Variants in KRT8 observed in about 807,000 individuals in gnomAD.
KRT8 encodes the protein keratin 8.
Under a neutral mutation model 43.0 loss-of-function variants are expected in KRT8, and 24 were observed. The ratio of observed to expected loss-of-function variants is 0.56; its 90% CI spans 0.40 to 0.78. The LOEUF (loss-of-function observed/expected upper bound fraction) is 0.78. Among genes scored for constraint, KRT8 ranks in the 30% least tolerant of loss-of-function variants. The probability of loss-of-function intolerance (pLI) is 0.00; values close to 1 mark genes in which losing one functional copy is unlikely to be tolerated. For missense variants in KRT8, 492 were observed against 638.4 expected (o/e 0.77, Z 2.47); for synonymous variants, 214 against 261.2 (o/e 0.82, Z 1.74).
intron 2 of KRT8, among the ~76,000 whole-genome samples, chr12:52,933,984 C>T (rs147055809): frequency 0.085 from 12,906 of 151,382 alleles, 697 homozygotes; most frequent in East Asian, 0.24. Flanking sequence ...AATCCCAGCA[C>T]TTTGGGAGGC....
At chr12:52,918,237 A>AGAAGAAGAAGAAGAAGAAGAG (rs1941813989) in intron 2 of KRT8, among the ~76,000 whole-genome samples, 1 of 151,570 alleles carries the variant, frequency 6.6e-6, no homozygotes, top group Non-Finnish European at 1.5e-5. Context: ...AAGAAGAAGA[A>AGAAGAAGAAGAAGAAGAAGAG]GAAGAAGAAG....
At chr12:52,917,942 A>G (rs9795940) in intron 2 of KRT8, among the ~76,000 whole-genome samples, 3 of 148,840 alleles carry the variant, frequency 2.0e-5, no homozygotes, top group South Asian at 4.3e-4. Flanking sequence ...GAGAAGAGGA[A>G]GAAGAGGAAG....
At chr12:52,914,794 C>G (rs1340829945) in intron 2 of KRT8, among the ~76,000 whole-genome samples, 3 of 152,362 alleles carry the variant, frequency 2.0e-5, no homozygotes, top group East Asian at 3.9e-4. Context: ...GACCAAGACT[C>G]TCTTCCTGTC....
At chr12:52,949,100 G>GTCGCGCGGC in intron 2 of KRT8, 1 of 1,430,404 alleles carries the variant, frequency 7.0e-7, no homozygotes, top group Non-Finnish European at 9.8e-7. Context: ...TATAACTCGG[G>GTCGCGCGGC]TCGCGCGGCT....
chr12:52,897,903 C>T (rs1941254440), intron 7 of KRT8, among the ~76,000 whole-genome samples: 2 of 152,188 alleles, frequency 1.3e-5, no homozygotes, highest in Non-Finnish European at 2.9e-5. Flanking sequence ...AAATAAATTA[C>T]AGCCAGGCCC....
In KRT8 at chr12:52,904,516, T is replaced by A. The variant is rs560781292; in HGVS notation, c.324+142A>T. 3.5e-4 allele frequency: 279 copies of A among 802,864 alleles called. 1 individual carries two copies. Among genetic ancestry groups the A allele is most frequent in the Non-Finnish European group, 5.2e-4 (249 of 475,208 alleles). 49.7% of individuals were successfully genotyped at this position (802,864 alleles called of 1,614,324 possible). A position where few individuals can be genotyped will look rare whatever the true frequency, so the allele number is the denominator to read the frequency against. Reference sequence around the variant, plus strand: ...AACCAAGGTGCACGGGAGGGGTGAGTCGGAGGATGGAAGGGAGAGTGTCGC... The same window carrying A: ...AACCAAGGTGCACGGGAGGGGTGAGACGGAGGATGGAAGGGAGAGTGTCGC... On this transcript the variant is annotated intron_variant, in intron 1 of 7. Transcript: ENST00000692008.
upstream of KRT8, chr12:52,905,113 G>A (rs879034751): frequency 8.5e-5 from 123 of 1,447,612 alleles, no homozygotes; most frequent in Non-Finnish European, 1.0e-4. Flanking sequence ...CCGGGGGATG[G>A]GGGGGAAAGG....
chr12:52,907,060 C>T (rs1181928349), upstream of KRT8: 7 of 242,728 alleles, frequency 2.9e-5, no homozygotes, highest in Admixed American at 1.0e-4. Context: ...ATCCCAAGAG[C>T]GGGCACAGTG....
intron 2 of KRT8, among the ~76,000 whole-genome samples, chr12:52,927,797 A>G (rs147221879): frequency 0.024 from 3,618 of 152,292 alleles, 74 homozygotes; most frequent in Admixed American, 0.051. Context: ...GGGAGTGCTC[A>G]GCCAGGCGCG....
exon 8 of KRT8, chr12:52,897,592 G>A (rs751726406): frequency 6.3e-7 from 1 of 1,598,138 alleles, no homozygotes; most frequent in African/African-American, 1.3e-5. Context: ...GGGCTTGTGA[G>A]GCCCCCATAG....
chr12:52,919,498 C>T (rs1012248988), intron 2 of KRT8, among the ~76,000 whole-genome samples: 13 of 151,946 alleles, frequency 8.6e-5, no homozygotes, highest in African/African-American at 3.1e-4. Flanking sequence ...AAACTGCTGG[C>T]CCCAAGTGAT....
intron 7 of KRT8, among the ~76,000 whole-genome samples, chr12:52,897,873 G>A (rs753455047): frequency 5.3e-5 from 8 of 152,164 alleles, no homozygotes; most frequent in African/African-American, 1.4e-4. Context: ...AACTGAAGAC[G>A]TTTACAGGTG....
chr12:52,904,628 C>T, intron 1 of KRT8, 30 bp downstream of exon 1: 1 of 1,596,262 alleles, frequency 6.3e-7, no homozygotes, highest in Non-Finnish European at 8.6e-7. Flanking sequence ...GGGCTGCGGG[C>T]ACAGTCAGCC....
chr12:52,926,173 C>A lies in KRT8; in HGVS notation c.-46-21146G>T, dbSNP rs557045991. Among the ~76,000 whole-genome samples the A allele has an allele frequency of 2.1e-4, 31 of 146,706 alleles. No individual in the cohort carries two copies. The South Asian group carries it at 6.9e-3, about 33-fold the overall frequency. ...CCCGCCCCCCACCACCTCTCCTGCT[C>A]GCTCAGGTATCCTCTCCAGTGCCCA... is the stretch of plus-strand genomic sequence containing the variant. On this transcript the variant is annotated intron_variant, in intron 2 of 6. Coordinates refer to the KRT8 transcript ENST00000546826.
exon 1 of KRT8, chr12:52,904,806 C>T: frequency 6.2e-7 from 1 of 1,612,330 alleles, no homozygotes; most frequent in Non-Finnish European, 8.5e-7. Context: ...GCCTCCCATG[C>T]CGCTGGCCCC....
intron 2 of KRT8, among the ~76,000 whole-genome samples, chr12:52,924,448 C>CAA (rs67999410): frequency 1.4e-4 from 15 of 110,994 alleles, no homozygotes; most frequent in African/African-American, 4.2e-4. Context: ...GACTCCGTCT[C>CAA]AAAAAAAAAA....
At chr12:52,922,539 G>A (rs567797640) in intron 2 of KRT8, among the ~76,000 whole-genome samples, 11 of 152,304 alleles carry the variant, frequency 7.2e-5, no homozygotes, top group African/African-American at 2.6e-4. Context: ...CAGGCGTGGT[G>A]GCACATGCCT....
At chr12:52,924,215 G>C (rs1406791462) in intron 2 of KRT8, among the ~76,000 whole-genome samples, 1 of 152,106 alleles carries the variant, frequency 6.6e-6, no homozygotes, top group Admixed American at 6.6e-5. Flanking sequence ...TTGGGAGGCT[G>C]AGGCAGACAG....
chr12:52,903,367 C>G (rs1565718827), intron 1 of KRT8: 2 of 152,264 alleles, frequency 1.3e-5, no homozygotes, highest in Admixed American at 1.3e-4. Context: ...AAAGCCTATG[C>G]TTAGCTGCTC....
Sources: allele counts gnomAD v4.1 joint callset (sites outside exome capture counted in the v4.1 genomes callset), GRCh38; gene constraint gnomAD v4.1.1; transcripts MANE v1.5; gene names NCBI Gene and HGNC (gene_info 2026-07-23, HGNC 2026-07-21).